LARS2: variants seen among roughly 807,000 people sequenced by gnomAD.
LARS2 encodes the protein leucyl-tRNA synthetase 2, mitochondrial.
In LARS2, 81 loss-of-function variants were observed where a neutral mutation model predicts 116.6. The observed-to-expected ratio is 0.69, with a 90% confidence interval of 0.58 to 0.84. LARS2 has a LOEUF of 0.84. LARS2 is among the 40% of genes least tolerant of loss of function. The probability of loss-of-function intolerance (pLI) is 0.00; values close to 1 mark genes in which losing one functional copy is unlikely to be tolerated. For missense variants in LARS2, 968 were observed against 1,114.5 expected (o/e 0.87, Z 1.87); for synonymous variants, 396 against 407.2 (o/e 0.97, Z 0.33).
At chr3:45,439,733 G>A (rs1211855961) in intron 6 of LARS2, among the ~76,000 whole-genome samples, 1 of 151,894 alleles carries the variant, frequency 6.6e-6, no homozygotes, top group Non-Finnish European at 1.5e-5. Flanking sequence ...TTTGAATCAA[G>A]AGCAGGCTTA....
At chr3:45,537,918 G>A (rs561524334) in intron 20 of LARS2, among the ~76,000 whole-genome samples, 1 of 152,174 alleles carries the variant, frequency 6.6e-6, no homozygotes, top group African/African-American at 2.4e-5. Flanking sequence ...GGGAAGGAAG[G>A]GGGTGGGCTG....
intron 6 of LARS2, among the ~76,000 whole-genome samples, chr3:45,441,846 C>T: frequency 6.6e-6 from 1 of 152,050 alleles, no homozygotes; most frequent in East Asian, 1.9e-4. Context: ...TAAGAGAGCT[C>T]AGATTGTGTG....
At chr3:45,523,087 G>A (rs1216888765) in intron 19 of LARS2, among the ~76,000 whole-genome samples, 5 of 152,066 alleles carry the variant, frequency 3.3e-5, no homozygotes, top group African/African-American at 1.2e-4. Context: ...ATTCTGTGCT[G>A]AGTGTGTGTT....
chr3:45,392,575 G>A (rs1219288120), intron 2 of LARS2, among the ~76,000 whole-genome samples: 19 of 152,094 alleles, frequency 1.2e-4, no homozygotes, highest in African/African-American at 4.6e-4. Flanking sequence ...TGTTACAGAC[G>A]TGAACCATTG....
Position 45,547,484 on chromosome 3 carries a change from T to TA in LARS2, c.2666_2667insA (p.Phe889LeufsTer37). On this transcript the variant is annotated frameshift_variant, in exon 22 of 22. Coordinates refer to ENST00000645846, the MANE Select transcript of LARS2 (RefSeq NM_015340.4). LOFTEE classifies it high-confidence loss of function. ...CAAGGACGAAGCATCAAGAAGTCCT[T>TA]CCTTTCCCCGAGAACTGCCCTCATC... 6.2e-7 allele frequency: 1 copy of TA among 1,612,430 alleles called. No individual in the cohort carries two copies. The highest frequency in any genetic ancestry group is 8.5e-7 in the Non-Finnish European group (1 of 1,179,480).
At chr3:45,392,247 G>A (rs904565463) in intron 2 of LARS2, among the ~76,000 whole-genome samples, 1 of 151,542 alleles carries the variant, frequency 6.6e-6, no homozygotes, top group Non-Finnish European at 1.5e-5. Context: ...CCTGTAATCA[G>A]ATCTGTGTAC....
At chr3:45,405,388 A>G (rs1164304017) in intron 4 of LARS2, among the ~76,000 whole-genome samples, 1 of 152,254 alleles carries the variant, frequency 6.6e-6, no homozygotes, top group Non-Finnish European at 1.5e-5. Flanking sequence ...TTATAATCTG[A>G]TAAGCCTCAA....
Position 45,422,948 on chromosome 3 carries a change from T to A in LARS2, c.516+3219T>A, listed in dbSNP as rs566497374. 1.8e-4 allele frequency among the ~76,000 whole-genome samples: 28 copies of A among 152,342 alleles called. No individual in the cohort carries two copies. In the South Asian group the frequency reaches 4.1e-3, roughly 23 times the overall value. ...AAAGTGAAAAGCTATTTGTATTTAT[T>A]TGCATAACTCGTATTTATTTTCATA... On this transcript the variant is annotated intron_variant, in intron 6 of 21. Coordinates refer to ENST00000645846, the MANE Select transcript of LARS2 (RefSeq NM_015340.4).
At chr3:45,435,412 A>G (rs1339052233) in intron 6 of LARS2, among the ~76,000 whole-genome samples, 3 of 152,214 alleles carry the variant, frequency 2.0e-5, no homozygotes, top group Admixed American at 1.3e-4. Context: ...CCTCAAGGGT[A>G]TAAGTCTAGG....
At chr3:45,442,275 C>G (rs547504258) in intron 6 of LARS2, among the ~76,000 whole-genome samples, 1 of 152,280 alleles carries the variant, frequency 6.6e-6, no homozygotes, top group South Asian at 2.1e-4. Context: ...AAGCCCCACC[C>G]CACAGACACA....
chr3:45,421,579 T>A (rs1170446716), intron 6 of LARS2: 1 of 152,224 alleles, frequency 6.6e-6, no homozygotes, highest in Non-Finnish European at 1.5e-5. Context: ...AGGCAGGTAC[T>A]TTTATTGACG....
chr3:45,474,072 T>G (rs1251557055), intron 8 of LARS2, among the ~76,000 whole-genome samples, 171 bp from the exon 9 acceptor site: 1 of 152,170 alleles, frequency 6.6e-6, no homozygotes, highest in Non-Finnish European at 1.5e-5. Flanking sequence ...AATGAATGCA[T>G]CTGTTTCTAA....
intron 4 of LARS2, among the ~76,000 whole-genome samples, chr3:45,409,443 G>A (rs1238503907): frequency 2.0e-5 from 3 of 152,110 alleles, no homozygotes; most frequent in Non-Finnish European, 2.9e-5. Flanking sequence ...TGATCTGAAC[G>A]GTGCATGAGA....
chr3:45,491,227 A>T (rs1181015917), intron 12 of LARS2, among the ~76,000 whole-genome samples: 1 of 152,234 alleles, frequency 6.6e-6, no homozygotes, highest in African/African-American at 2.4e-5. Flanking sequence ...GCCTCTGCAA[A>T]AGTTTTAATT....
chr3:45,519,490 C>CAAAA (rs373279726), intron 18 of LARS2, among the ~76,000 whole-genome samples: 2 of 105,894 alleles, frequency 1.9e-5, no homozygotes, highest in African/African-American at 7.3e-5. Context: ...GTCTCCGTCT[C>CAAAA]AAAAAAAAAA....
At chr3:45,532,018 C>T (rs1249444811) in intron 20 of LARS2, among the ~76,000 whole-genome samples, 1 of 152,072 alleles carries the variant, frequency 6.6e-6, no homozygotes, top group Non-Finnish European at 1.5e-5. Flanking sequence ...AGGTAAAATC[C>T]TCTTAGATTT....
intron 9 of LARS2, 148 bp from the exon 10 acceptor site, chr3:45,476,320 A>G: frequency 1.3e-6 from 1 of 789,258 alleles, no homozygotes; most frequent in Non-Finnish European, 2.1e-6. Flanking sequence ...TCCAGGCACC[A>G]TCTCAATCCC....
At chr3:45,512,276 G>A (rs376931029) in intron 15 of LARS2, among the ~76,000 whole-genome samples, 2 of 152,332 alleles carry the variant, frequency 1.3e-5, no homozygotes, top group East Asian at 3.9e-4. Context: ...TACTTAACGT[G>A]TGTTATCAGC....
At chr3:45,533,320 T>A (rs1417760316) in intron 20 of LARS2, among the ~76,000 whole-genome samples, 1 of 151,792 alleles carries the variant, frequency 6.6e-6, no homozygotes, top group African/African-American at 2.4e-5. Context: ...CCAGCTAATT[T>A]TTTGTATTTT....
Sources: allele counts gnomAD v4.1 joint callset (sites outside exome capture counted in the v4.1 genomes callset), GRCh38; gene constraint gnomAD v4.1.1; transcripts MANE v1.5; gene names NCBI Gene and HGNC (gene_info 2026-07-23, HGNC 2026-07-21).